Variants in RAG2 observed in about 807,000 individuals in gnomAD.
The protein encoded by RAG2 is V(D)J recombination-activating protein 2.
In RAG2, 16 loss-of-function variants were observed where a neutral mutation model predicts 31.8. The observed-to-expected ratio is 0.50, with a 90% CI of 0.34 to 0.76. The LOEUF is 0.76. RAG2 is among the 30% of genes least tolerant of loss of function. RAG2 has a pLI of 0.01. For synonymous variants in RAG2, 199 were observed against 215.9 expected (o/e 0.92, Z 0.68); for missense variants, 622 against 628.5 (o/e 0.99, Z 0.11).
chr11:36,591,606 CA>C (rs1851022452), downstream of RAG2, among the ~76,000 whole-genome samples: 1 of 151,390 alleles, frequency 6.6e-6, no homozygotes, highest in South Asian at 2.1e-4. Flanking sequence ...ACTACACACA[CA>C]CACACACACA....
intron 1 of RAG2, 94 bp from the exon 2 acceptor site, chr11:36,594,289 C>G (rs1851115436): frequency 1.2e-6 from 1 of 825,976 alleles, no homozygotes. Context: ...TTTTTAAGTC[C>G]TCCCACACGC....
intron 1 of RAG2, among the ~76,000 whole-genome samples, chr11:36,596,782 T>C (rs1851282764): frequency 6.6e-6 from 1 of 152,216 alleles, no homozygotes; most frequent in African/African-American, 2.4e-5. Flanking sequence ...ACAGTTGTTT[T>C]AAAGCAATGT....
chr11:36,593,727 G>A lies in RAG2; in HGVS notation c.442C>T (p.Arg148Ter), dbSNP rs1315729938. ...AAGAGAACACCCATACTTTTCCCTC[G>A]GCTGTACACCACATTAATGGAATGA... ...YGHSINVVYSRGKSMGVLFGG... is the reference protein window; with the variant it reads ...YGHSINVVYS The change falls in exon 2 of 2, where the codon CGA (arginine) becomes TGA (stop). Residue 148 changes from arginine to a stop codon, truncating the protein, a stop_gained. Transcript: ENST00000311485. LOFTEE classifies it high-confidence loss of function. 8.1e-6 allele frequency: 13 copies of A among 1,613,984 alleles called. No homozygotes were observed. The highest frequency in any genetic ancestry group is 1.0e-5 in the Non-Finnish European group (12 of 1,180,030).
At chr11:36,596,197 A>T (rs1182702450) in intron 1 of RAG2, among the ~76,000 whole-genome samples, 2 of 148,206 alleles carry the variant, frequency 1.3e-5, no homozygotes, top group Non-Finnish European at 3.0e-5. Context: ...TGGTCACTCT[A>T]ATGAGATGGT....
In RAG2 at chr11:36,592,640, G is replaced by A; in HGVS notation, c.1529C>T (p.Ser510Phe). 2 of 1,614,122 alleles carry A rather than the reference G, an allele frequency of 1.2e-6. No homozygotes were observed. The highest frequency in any genetic ancestry group is 1.7e-6 in the Non-Finnish European group (2 of 1,179,996). Residue 510 changes from serine to phenylalanine, a missense_variant, in exon 2 of 2, where the codon TCT becomes TTT. Ser to Phe is a radical substitution (Grantham distance 155). Coordinates refer to ENST00000311485, the MANE Select transcript of RAG2 (RefSeq NM_000536.4). ...CTTGGCAGGAGTCAAGATTTTTCCA[G>A]AACCTTTTTTACGGAGGGATTTCAT... ...PPMKSLRKKG[S>F]GKILTPAKKS...
intron 1 of RAG2, among the ~76,000 whole-genome samples, chr11:36,596,152 C>A (rs1206988083): frequency 2.6e-5 from 4 of 151,114 alleles, no homozygotes; most frequent in African/African-American, 9.8e-5. Context: ...ATCTTTATTC[C>A]TCCTGCAAAG....
chr11:36,595,474 AG>A (rs1851180691), intron 1 of RAG2, among the ~76,000 whole-genome samples: 1 of 152,268 alleles, frequency 6.6e-6, no homozygotes, highest in South Asian at 2.1e-4. Flanking sequence ...AACAAAACAT[AG>A]CACAGATTTC....
downstream of RAG2, among the ~76,000 whole-genome samples, chr11:36,591,330 C>A (rs1339318180): frequency 1.3e-5 from 2 of 152,130 alleles, no homozygotes; most frequent in African/African-American, 4.8e-5. Flanking sequence ...ACCTTACACA[C>A]TGTAGACTTT....
At position 36,593,188 on chromosome 11, in the gene RAG2, AAC is replaced by A. The variant is rs1851066249; in HGVS notation, c.979_980del (p.Val327PhefsTer9). 1 of 1,614,052 alleles carries A rather than the reference AAC, an allele frequency of 6.2e-7. No homozygotes were observed. The highest frequency in any genetic ancestry group is 1.7e-5 in the Admixed American group (1 of 60,008). On this transcript the variant is annotated frameshift_variant, in exon 2 of 2. Transcript: ENST00000311485. LOFTEE classifies it high-confidence loss of function. ...WFGSNMGNGT[V>X]FLGIPGDNKQ... ...TATTGTCTCCTGGTATGCCAAGAAA[AAC>A]AGTTCCATTTCCCATGTTGCTTCCA...
chr11:36,596,211 G>GTTTTTT (rs1243664769), intron 1 of RAG2, among the ~76,000 whole-genome samples: 37 of 101,132 alleles, frequency 3.7e-4, no homozygotes, highest in African/African-American at 1.0e-3. Flanking sequence ...AGATGGTAGT[G>GTTTTTT]TTTTTTTTTT....
rs2133315667 is a variant in RAG2, at chr11:36,593,911, A to G, written c.258T>C (p.Ser86=). The change falls in exon 2 of 2, where the codon TCT becomes TCC. Residue 86 remains serine (S), a synonymous_variant. Transcript: ENST00000311485. ...CATGGATGATGTATTGATGCTTTTC[A>G]GACTCCAAGCTGCCTTTGAATGTGC... The part of the protein sequence containing the change: ...ATCTFKGSLE[S]EKHQYIIHGG... 1 of 1,614,232 alleles carries G rather than the reference A, an allele frequency of 6.2e-7. No individual in the cohort carries two copies. The highest frequency in any genetic ancestry group is 2.2e-5 in the East Asian group (1 of 44,886).
chr11:36,598,233 G>C lies in RAG2; in HGVS notation c.-159C>G, dbSNP rs1166515671. 1 of 152,036 alleles carries C rather than the reference G, an allele frequency of 6.6e-6. No individual in the cohort carries two copies. Among genetic ancestry groups the C allele is most frequent in the Non-Finnish European group, 1.5e-5 (1 of 68,024 alleles). 9.4% of individuals were successfully genotyped at this position (152,036 alleles called of 1,614,324 possible). Reference sequence around the variant, plus strand: ...GCAAGCAGAAGGCTGACTGTAAAGAGAGTGTGTATGTGTGCCTACAGATGT... The same window carrying C: ...GCAAGCAGAAGGCTGACTGTAAAGACAGTGTGTATGTGTGCCTACAGATGT... On this transcript the variant is annotated 5_prime_UTR_variant, in exon 1 of 2. Transcript: ENST00000311485.
In RAG2 at chr11:36,596,825, T is replaced by G. The variant is rs545021864; in HGVS notation, c.-28+1277A>C. Among the ~76,000 whole-genome samples, 5 of 152,312 alleles carry G rather than the reference T, an allele frequency of 3.3e-5. No individual in the cohort carries two copies. In the South Asian group the frequency reaches 1.0e-3, roughly 32 times the overall value. On this transcript the variant is annotated intron_variant, in intron 1 of 1. Coordinates refer to ENST00000311485, the MANE Select transcript of RAG2 (RefSeq NM_000536.4). ...GTCGCCTCTTGGTTTCATTTTAAGG[T>G]TGCTGTAGGAATTGTGGCTTCTCGT...
chr11:36,597,898 A>C (rs1254053996), intron 1 of RAG2, among the ~76,000 whole-genome samples: 1 of 152,116 alleles, frequency 6.6e-6, no homozygotes, highest in African/African-American at 2.4e-5. Flanking sequence ...ATAGTGCTCT[A>C]AAGGCCTAAT....
Position 36,594,141 on chromosome 11 carries a change from TACTG to T in RAG2, c.24_27del (p.Ser9IlefsTer3). ...CCTGGCTGAATTAAGGCTATGTTAT[TACTG>T]ACTGTTACCATCTGCAGAGACATAG... On this transcript the variant is annotated frameshift_variant, in exon 2 of 2. Transcript: ENST00000311485. LOFTEE classifies it high-confidence loss of function. 2 of 1,613,060 alleles carry T rather than the reference TACTG, an allele frequency of 1.2e-6. No homozygotes were observed. The highest frequency in any genetic ancestry group is 1.7e-6 in the Non-Finnish European group (2 of 1,179,012).
chr11:36,591,541 C>A (rs1851020691), downstream of RAG2, among the ~76,000 whole-genome samples: 1 of 151,602 alleles, frequency 6.6e-6, no homozygotes, highest in Admixed American at 6.6e-5. Context: ...TCTAATTAGA[C>A]CTTGGCAAGA....
Position 36,593,790 on chromosome 11 carries a change from T to C in RAG2, c.379A>G (p.Lys127Glu). ...NKKVTFRCTE[K>E]DLVGDVPEAR... The stretch of plus-strand genomic sequence containing the variant: ...TCAGGAACATCTCCTACCAAGTCTT[T>C]CTCTGTGCAGCGAAAAGTAACCTTT... The change falls in exon 2 of 2, where the codon AAA (lysine) becomes GAA (glutamate). Residue 127 changes from lysine (K) to glutamate (E), a missense_variant. By Grantham distance (56) the Lys-to-Glu change is moderately conservative. Transcript: ENST00000311485. 1 of 1,614,234 alleles carries C rather than the reference T, an allele frequency of 6.2e-7. No homozygotes were observed. The highest frequency in any genetic ancestry group is 8.5e-7 in the Non-Finnish European group (1 of 1,180,046).
At position 36,592,441 on chromosome 11, in the gene RAG2, C is replaced by A. The variant is rs12280515; in HGVS notation, c.*144G>T. 7,509 of 1,083,714 alleles carry A rather than the reference C, an allele frequency of 6.9e-3. 358 individuals carry two copies. In the African/African-American group the frequency reaches 0.11, roughly 15 times the overall value. The allele number at this position is 1,083,714 out of a possible 1,614,324, so 67.1% of individuals were successfully genotyped here. ...TTTATTTATCATTGCATTATAAACACTTTTTTCTGGCCCTTAATTCATGTA... is the reference window on the plus strand; with the variant it reads ...TTTATTTATCATTGCATTATAAACAATTTTTTCTGGCCCTTAATTCATGTA... On this transcript the variant is annotated 3_prime_UTR_variant, in exon 2 of 2. Transcript: ENST00000311485.
Position 36,592,912 on chromosome 11 carries a change from G to GCA in RAG2, c.1255_1256dup (p.Cys420AlafsTer25). ...TGATATCCACATCACAAGTAGGGCA[G>GCA]CATGTAATCCAGTAGCCTGTCTCAG... is the stretch of plus-strand genomic sequence containing the variant. On this transcript the variant is annotated frameshift_variant, in exon 2 of 2. Transcript: ENST00000311485. LOFTEE classifies it high-confidence loss of function. The GCA allele has an allele frequency of 6.2e-7, 1 of 1,614,168 alleles. No homozygotes were observed. The highest frequency in any genetic ancestry group is 8.5e-7 in the Non-Finnish European group (1 of 1,180,030).
Sources: gnomAD v4.1 joint callset for allele counts (sites outside exome capture counted in the v4.1 genomes callset) on GRCh38, gnomAD v4.1.1 for gene constraint, MANE v1.5 for transcripts, NCBI Gene and HGNC (gene_info 2026-07-23, HGNC 2026-07-21) for gene names.